Variants in MALRD1 observed in about 807,000 individuals in gnomAD.
The protein encoded by MALRD1 is MAM and LDL-receptor class A domain-containing protein 1.
A neutral mutation model predicts 242.1 loss-of-function variants in MALRD1; 247 were observed. That is an observed-to-expected ratio of 1.02 (90% CI 0.92 to 1.13). The LOEUF is 1.13. Among genes scored for constraint, MALRD1 ranks in the 50% most tolerant of loss-of-function variants. The pLI is 0.00. For missense variants in MALRD1, 2,989 were observed against 2,533.1 expected (o/e 1.18, Z -3.86); for synonymous variants, 995 against 866.6 (o/e 1.15, Z -2.60).
At chr10:19,539,852 T>TTTTATG (rs1554795755) in intron 32 of MALRD1, among the ~76,000 whole-genome samples, 2 of 64,328 alleles carry the variant, frequency 3.1e-5, no homozygotes, top group African/African-American at 1.0e-4. Context: ...ACACCCAGCT[T>TTTTATG]TGTGCGTGTG....
chr10:19,522,978 G>A (rs1589192972), intron 31 of MALRD1, among the ~76,000 whole-genome samples: 1 of 152,108 alleles, frequency 6.6e-6, no homozygotes. Flanking sequence ...GCAATTAATT[G>A]TCTTATTTCC....
intron 21 of MALRD1, among the ~76,000 whole-genome samples, chr10:19,294,566 A>T (rs567489407): frequency 2.0e-4 from 31 of 152,298 alleles, no homozygotes; most frequent in African/African-American, 6.7e-4. Context: ...CTGTAAGTAG[A>T]TGTATAAAAC....
At chr10:19,065,514 G>A (rs1834952041) in intron 1 of MALRD1, among the ~76,000 whole-genome samples, 1 of 151,948 alleles carries the variant, frequency 6.6e-6, no homozygotes, top group Non-Finnish European at 1.5e-5. Flanking sequence ...ACTTCATCCC[G>A]ACTGGACCAG....
At chr10:19,115,030 G>C (rs1179965755) in intron 5 of MALRD1, among the ~76,000 whole-genome samples, 1 of 152,108 alleles carries the variant, frequency 6.6e-6, no homozygotes, top group East Asian at 1.9e-4. Flanking sequence ...GTCACTTTCA[G>C]TAGTACTTTG....
At chr10:19,118,328 G>C (rs1361190703) in intron 5 of MALRD1, among the ~76,000 whole-genome samples, 1 of 152,204 alleles carries the variant, frequency 6.6e-6, no homozygotes, top group Non-Finnish European at 1.5e-5. Context: ...AGGTGCCCAA[G>C]GTGGTTGGGC....
At chr10:19,188,795 G>C (rs1276533938) in intron 14 of MALRD1, among the ~76,000 whole-genome samples, 1 of 152,140 alleles carries the variant, frequency 6.6e-6, no homozygotes, top group African/African-American at 2.4e-5. Flanking sequence ...AGAGCAGTTG[G>C]GGAGTATTCC....
chr10:19,643,366 A>G (rs1375822737), intron 36 of MALRD1, among the ~76,000 whole-genome samples: 2 of 152,158 alleles, frequency 1.3e-5, no homozygotes, highest in African/African-American at 4.8e-5. Context: ...GAATCGCTTG[A>G]ACCTGGGAGG....
intron 26 of MALRD1, among the ~76,000 whole-genome samples, chr10:19,374,732 A>G (rs999554961): frequency 6.6e-6 from 1 of 152,212 alleles, no homozygotes; most frequent in African/African-American, 2.4e-5. Flanking sequence ...CCTTCCAGGT[A>G]GCAAGGTGGA....
intron 26 of MALRD1, among the ~76,000 whole-genome samples, chr10:19,373,855 CT>C (rs1845489705): frequency 6.6e-6 from 1 of 152,154 alleles, no homozygotes; most frequent in Non-Finnish European, 1.5e-5. Flanking sequence ...GAAATTTTCT[CT>C]TGGTTAGATT....
intron 28 of MALRD1, among the ~76,000 whole-genome samples, chr10:19,406,902 A>G (rs1164546840): frequency 1.3e-5 from 2 of 152,152 alleles, no homozygotes; most frequent in Admixed American, 6.5e-5. Flanking sequence ...AAAACACAAA[A>G]TAGGAGGATA....
At chr10:19,725,493 C>G (rs1221299901) in intron 38 of MALRD1, among the ~76,000 whole-genome samples, 1 of 152,170 alleles carries the variant, frequency 6.6e-6, no homozygotes, top group African/African-American at 2.4e-5. Context: ...ATTACCCAGG[C>G]TCAGGTATTT....
intron 29 of MALRD1, among the ~76,000 whole-genome samples, chr10:19,482,047 C>T (rs989980387): frequency 6.6e-6 from 1 of 151,868 alleles, no homozygotes; most frequent in Non-Finnish European, 1.5e-5. Flanking sequence ...TTGTTGGCAT[C>T]ACTAGATGTA....
chr10:19,163,137 T>TAA (rs58034381), intron 12 of MALRD1, among the ~76,000 whole-genome samples: 8,547 of 43,430 alleles, frequency 0.2, 1,780 homozygotes, highest in South Asian at 0.33. Flanking sequence ...AAACCCTGTC[T>TAA]AAAAAAAAAA....
At chr10:19,206,742 G>A (rs1399021699) in intron 17 of MALRD1, among the ~76,000 whole-genome samples, 1 of 152,200 alleles carries the variant, frequency 6.6e-6, no homozygotes, top group Non-Finnish European at 1.5e-5. Context: ...GTCTTTTATG[G>A]AAAGGTGGAG....
At chr10:19,282,183 A>T (rs993043712) in intron 20 of MALRD1, among the ~76,000 whole-genome samples, 1 of 152,182 alleles carries the variant, frequency 6.6e-6, no homozygotes, top group African/African-American at 2.4e-5. Context: ...GATATATTGG[A>T]TCCTAAATCC....
At chr10:19,085,863 T>C (rs1835652268) in intron 2 of MALRD1, among the ~76,000 whole-genome samples, 1 of 152,010 alleles carries the variant, frequency 6.6e-6, no homozygotes, top group Admixed American at 6.6e-5. Context: ...TTCTTTTTAG[T>C]AGTTGAATAT....
chr10:19,615,997 T>C, intron 36 of MALRD1, 74 bp downstream of exon 36: 1 of 1,026,684 alleles, frequency 9.7e-7, no homozygotes, highest in Admixed American at 2.3e-5. Context: ...TAGGCTGATA[T>C]AATAGAGCAT....
At chr10:19,566,683 T>A (rs948517418) in intron 32 of MALRD1, among the ~76,000 whole-genome samples, 25 of 150,646 alleles carry the variant, frequency 1.7e-4, no homozygotes, top group African/African-American at 4.1e-4. Context: ...AGATAGTATT[T>A]TATATATATA....
chr10:19,578,183 A>C (rs1260542280), intron 33 of MALRD1, among the ~76,000 whole-genome samples: 1 of 152,042 alleles, frequency 6.6e-6, no homozygotes, highest in Admixed American at 6.5e-5. Context: ...ACTTTCCCAG[A>C]ATGACCAGTT....
Sources: gnomAD v4.1 joint callset for allele counts (sites outside exome capture counted in the v4.1 genomes callset) on GRCh38, gnomAD v4.1.1 for gene constraint, MANE v1.5 for transcripts, NCBI Gene and HGNC (gene_info 2026-07-23, HGNC 2026-07-21) for gene names.